The following GATA2 variants were observed in gnomAD, a reference collection of about 807,000 sequenced individuals.
The protein encoded by GATA2 is endothelial transcription factor GATA-2.
GATA2 carries 6 observed loss-of-function variants against 35.7 expected under a neutral mutation model. That is an observed-to-expected ratio of 0.17 (90% CI 0.09 to 0.33). GATA2 has a LOEUF of 0.33. Ranked by LOEUF, GATA2 falls within the 10% of genes least tolerant of loss-of-function variation. The probability of loss-of-function intolerance (pLI) is 1.00; values close to 1 mark genes in which losing one functional copy is unlikely to be tolerated. For synonymous variants in GATA2, 313 were observed against 274.9 expected, an observed-to-expected ratio of 1.14 and a Z score of -1.37; for missense variants, 541 against 656.6, an observed-to-expected ratio of 0.82 and a Z score of 1.92.
intron 4 of GATA2, among the ~76,000 whole-genome samples, chr3:128,482,526 A>G (rs2068643134): frequency 1.3e-5 from 2 of 152,188 alleles, no homozygotes; most frequent in African/African-American, 4.8e-5. Flanking sequence ...CAGTTCCCTC[A>G]ATTGCACGAG....
At chr3:128,482,253 T>C (rs928051900) in intron 4 of GATA2, among the ~76,000 whole-genome samples, 1 of 152,214 alleles carries the variant, frequency 6.6e-6, no homozygotes, top group Non-Finnish European at 1.5e-5. Context: ...ATGGGGAAAC[T>C]GAGGCCCTGA....
chr3:128,482,000 C>G, intron 4 of GATA2, 56 bp from the exon 5 acceptor site: 12 of 1,599,976 alleles, frequency 7.5e-6, no homozygotes, highest in East Asian at 2.2e-5. Context: ...CTCGACCCCC[C>G]TCCCTGACCC....
At position 128,482,801 on chromosome 3, in the gene GATA2, A is replaced by G. The variant is rs566804257; in HGVS notation, c.1018-857T>C. On this transcript the variant is annotated intron_variant, in intron 4 of 5. Coordinates refer to ENST00000341105, the MANE Select transcript of GATA2 (RefSeq NM_032638.5). The stretch of plus-strand genomic sequence containing the variant: ...AGAGGGAGGCTTTACCCAAGAAAAC[A>G]GATCCCCTCTCCCGGTTCCACCAAC... Among the ~76,000 whole-genome samples, 19 of 152,366 alleles carry G rather than the reference A, an allele frequency of 1.2e-4. No homozygotes were observed. The East Asian group carries it at 3.5e-3, about 28-fold the overall frequency.
Position 128,486,267 on chromosome 3 carries a change from G to A in GATA2, c.331C>T (p.His111Tyr). ...GKAALSAAAA[H>Y]HHNPWTVSPF... Reference sequence around the variant, plus strand: ...CTCACGGTCCAGGGGTTGTGGTGGTGGGCCGCAGCGGCAGAGAGGGCTGCT... The same window carrying A: ...CTCACGGTCCAGGGGTTGTGGTGGTAGGCCGCAGCGGCAGAGAGGGCTGCT... Residue 111 changes from histidine (H) to tyrosine (Y), a missense_variant, in exon 3 of 6, where the codon CAC becomes TAC. Coordinates refer to ENST00000341105, the MANE Select transcript of GATA2 (RefSeq NM_032638.5). The A allele has an allele frequency of 6.4e-7, 1 of 1,571,968 alleles. No individual in the cohort carries two copies. The highest frequency in any genetic ancestry group is 8.6e-7 in the Non-Finnish European group (1 of 1,159,674).
chr3:128,485,851 G>A lies in GATA2; in HGVS notation c.747C>T (p.Tyr249=), dbSNP rs755304454. Residue 249 remains tyrosine (Y), a synonymous_variant, in exon 3 of 6, where the codon TAC becomes TAT. Transcript: ENST00000341105. ...GGGCAGCCGCCGGCACATAGGAGGG[G>A]TAGGTGGGGATGGGGTGGTGTGTAG... ...QPATHHPIPT[Y]PSYVPAAAHD... 1 of 1,614,074 alleles carries A rather than the reference G, an allele frequency of 6.2e-7. No individual in the cohort carries two copies. The highest frequency in any genetic ancestry group is 1.1e-5 in the South Asian group (1 of 91,088).
At chr3:128,492,431 G>T (rs1316271308) in intron 1 of GATA2, among the ~76,000 whole-genome samples, 3 of 152,226 alleles carry the variant, frequency 2.0e-5, no homozygotes, top group Non-Finnish European at 4.4e-5. Context: ...AGGATAAAGG[G>T]CTGCGGGGCG....
At chr3:128,481,787 G>GGGGCGGGGT (rs1559985003) in intron 5 of GATA2, 32 bp downstream of exon 5, 1 of 1,604,662 alleles carries the variant, frequency 6.2e-7, no homozygotes, top group East Asian at 2.2e-5. Context: ...TCCCCTGGGA[G>GGGGCGGGGT]GGGCGGGGTG....
chr3:128,486,503 A>G (rs2068702139), intron 2 of GATA2, 135 bp from the exon 3 acceptor site: 2 of 1,091,620 alleles, frequency 1.8e-6, no homozygotes, highest in Admixed American at 2.1e-5. Context: ...AGCCAGAAAC[A>G]TAATACCCCA....
rs143590990 is a variant in GATA2 at position 128,486,911 on chromosome 3, G to A, written c.121C>T (p.Pro41Ser). ...HNYMEPAQLL[P>S]PDEVDVFFNH... The stretch of plus-strand genomic sequence containing the variant: ...AAGAAGACGTCCACCTCGTCTGGAG[G>A]CAGCAGCTGCGCGGGTTCCATGTAG... Residue 41 changes from proline (P) to serine (S), a missense_variant, in exon 2 of 6, where the codon CCT becomes TCT. Physicochemically the swap from Pro to Ser is moderately conservative, Grantham distance 74. This residue lies in a region of GATA2 where 389 missense variants were observed against 396.9 expected (regional missense o/e 0.98). Coordinates refer to ENST00000341105, the MANE Select transcript of GATA2 (RefSeq NM_032638.5). 1 of 1,612,752 alleles carries A rather than the reference G, an allele frequency of 6.2e-7. No homozygotes were observed. Among genetic ancestry groups the A allele is most frequent in the Non-Finnish European group, 8.5e-7 (1 of 1,179,608 alleles).
Position 128,486,104 on chromosome 3 carries a change from T to A in GATA2, c.494A>T (p.His165Leu), listed in dbSNP as rs1559987389. 1 of 1,613,164 alleles carries A rather than the reference T, an allele frequency of 6.2e-7. No individual in the cohort carries two copies. Among genetic ancestry groups the A allele is most frequent in the East Asian group, 2.2e-5 (1 of 44,824 alleles). Residue 165 changes from histidine to leucine, a missense_variant, in exon 3 of 6, where the codon CAC becomes CTC. Transcript: ENST00000341105. ...GAAGCCGAAAAGGTGGGAGCCAGAG[T>A]GGGCTGCTGTAGGGGTGAGGGAGGC... ...SVASLTPTAA[H>L]SGSHLFGFPP...
chr3:128,482,320 A>T (rs1490223551), intron 4 of GATA2, among the ~76,000 whole-genome samples: 1 of 152,052 alleles, frequency 6.6e-6, no homozygotes, highest in East Asian at 1.9e-4. Context: ...GTCCCCCTCG[A>T]GCCCCTGGAT....
intron 1 of GATA2, chr3:128,492,204 A>T (rs1239142231): frequency 1.3e-5 from 2 of 152,172 alleles, no homozygotes; most frequent in East Asian, 3.9e-4. Flanking sequence ...TCGTGGTTGG[A>T]GCAACGCGGA....
At chr3:128,485,597 TATTAG>T in intron 3 of GATA2, 125 bp downstream of exon 3, 1 of 1,157,738 alleles carries the variant, frequency 8.6e-7, no homozygotes, top group African/African-American at 1.5e-5. Flanking sequence ...TGCTGGGGGC[TATTAG>T]AGCGAGACAT....
chr3:128,486,228 T>C lies in GATA2; in HGVS notation c.370A>G (p.Thr124Ala). The C allele has an allele frequency of 6.4e-7, 1 of 1,561,586 alleles. No homozygotes were observed. The highest frequency in any genetic ancestry group is 8.7e-7 in the Non-Finnish European group (1 of 1,152,992). Residue 124 changes from threonine (T) to alanine (A), a missense_variant, in exon 3 of 6, where the codon ACG becomes GCG. Physicochemically the swap from Thr to Ala is moderately conservative, Grantham distance 58. Around this residue, in one of 5 missense-constraint regions of GATA2, gnomAD observed 389 missense variants for 396.9 expected, o/e 0.98. Coordinates refer to ENST00000341105, the MANE Select transcript of GATA2 (RefSeq NM_032638.5). ...CCAGCAGCTGAGGGGTGCAGTGGCGTCTTGGAGAAGGGGCTCACGGTCCAG... is the reference window on the plus strand; with the variant it reads ...CCAGCAGCTGAGGGGTGCAGTGGCGCCTTGGAGAAGGGGCTCACGGTCCAG... ...NPWTVSPFSK[T>A]PLHPSAAGGP... is the part of the protein sequence containing the mutation.
intron 4 of GATA2, among the ~76,000 whole-genome samples, chr3:128,483,437 G>GT (rs2068655451): frequency 6.6e-6 from 1 of 152,192 alleles, no homozygotes; most frequent in Admixed American, 6.5e-5. Context: ...TAAAGGGCAG[G>GT]TTTTTTTAGT....
At chr3:128,490,440 CT>C (rs1168104732) in intron 1 of GATA2, 2 of 152,288 alleles carry the variant, frequency 1.3e-5, no homozygotes, top group Admixed American at 1.3e-4. Flanking sequence ...AACAGGAGTT[CT>C]GCCAGGTCCT....
chr3:128,491,668 A>G (rs2068770193), intron 1 of GATA2, among the ~76,000 whole-genome samples: 1 of 151,680 alleles, frequency 6.6e-6, no homozygotes, highest in South Asian at 2.1e-4. Flanking sequence ...AGGCTCTCCC[A>G]CCTCATTACT....
At chr3:128,492,604 G>C (rs2068791167) in intron 1 of GATA2, among the ~76,000 whole-genome samples, 1 of 152,212 alleles carries the variant, frequency 6.6e-6, no homozygotes, top group Non-Finnish European at 1.5e-5. Flanking sequence ...CCCAGTTCGG[G>C]GGCCGGGAGG....
chr3:128,480,863 G>A lies in GATA2; in HGVS notation c.*156C>T. On this transcript the variant is annotated 3_prime_UTR_variant, in exon 6 of 6. Transcript: ENST00000341105. ...CTCTCAGCGGTGGGGAACATTCACA[G>A]TAACTGCTGGCAGGCTGCTGGGCGC... is the stretch of plus-strand genomic sequence containing the variant. 3.7e-6 allele frequency: 3 copies of A among 815,576 alleles called. No individual in the cohort carries two copies. The highest frequency in any genetic ancestry group is 5.7e-6 in the Non-Finnish European group (3 of 528,680). The allele number at this position is 815,576 out of a possible 1,614,324, so 50.5% of individuals were successfully genotyped here.
Sources: gnomAD v4.1 joint callset for allele counts (sites outside exome capture counted in the v4.1 genomes callset) on GRCh38, gnomAD v4.1.1 for gene constraint, gnomAD v4.1.1 regional missense constraint, MANE v1.5 for transcripts, NCBI Gene and HGNC (gene_info 2026-07-23, HGNC 2026-07-21) for gene names.